The following KCNQ3 variants were observed in gnomAD, a reference collection of about 807,000 sequenced individuals.
The protein encoded by KCNQ3 is potassium voltage-gated channel subfamily Q member 3.
Under a neutral mutation model 92.5 loss-of-function variants are expected in KCNQ3, and 30 were observed. The observed-to-expected ratio is 0.32, with a 90% CI of 0.24 to 0.44. The LOEUF is 0.44. KCNQ3 is among the 20% of genes least tolerant of loss of function. The pLI is 1.00. For missense variants in KCNQ3, 913 were observed against 1,140.3 expected, an observed-to-expected ratio of 0.80 and a Z score of 2.87; for synonymous variants, 450 against 468.8, an observed-to-expected ratio of 0.96 and a Z score of 0.52.
In KCNQ3 at chr8:132,354,102, C is replaced by T. The variant is rs140190686; in HGVS notation, c.386+126045G>A. On this transcript the variant is annotated intron_variant, in intron 1 of 14. Coordinates refer to ENST00000388996, the MANE Select transcript of KCNQ3 (RefSeq NM_004519.4). ...GCGAACCTTCTGTGAAATGTAGGAGCTTGTCTGATTTCCCTCCTAGTGCCC... is the reference window on the plus strand; with the variant it reads ...GCGAACCTTCTGTGAAATGTAGGAGTTTGTCTGATTTCCCTCCTAGTGCCC... 2.6e-4 allele frequency among the ~76,000 whole-genome samples: 40 copies of T among 152,294 alleles called. 2 individuals carry two copies. In the East Asian group the frequency reaches 7.6e-3, roughly 29 times the overall value.
chr8:132,173,544 T>C (rs1272644464), intron 6 of KCNQ3, among the ~76,000 whole-genome samples: 1 of 152,180 alleles, frequency 6.6e-6, no homozygotes, highest in Non-Finnish European at 1.5e-5. Flanking sequence ...GTAGAAAATT[T>C]ACTAACCCAA....
chr8:132,358,734 G>A (rs1318919967), intron 1 of KCNQ3, among the ~76,000 whole-genome samples: 1 of 152,174 alleles, frequency 6.6e-6, no homozygotes, highest in East Asian at 1.9e-4. Context: ...GGGGTCCACA[G>A]ACATGCTTGT....
chr8:132,287,177 G>A (rs1411881797), intron 1 of KCNQ3, among the ~76,000 whole-genome samples: 3 of 152,310 alleles, frequency 2.0e-5, no homozygotes, highest in Non-Finnish European at 1.5e-5. Context: ...CCATGTTATT[G>A]AGATTTTATA....
chr8:132,330,373 G>A (rs563331733), intron 1 of KCNQ3, among the ~76,000 whole-genome samples: 6 of 152,324 alleles, frequency 3.9e-5, no homozygotes, highest in Non-Finnish European at 7.3e-5. Flanking sequence ...AATGAATAAT[G>A]CCTGCACCAG....
intron 1 of KCNQ3, among the ~76,000 whole-genome samples, chr8:132,193,765 A>T (rs895428237): frequency 6.6e-6 from 1 of 152,142 alleles, no homozygotes; most frequent in African/African-American, 2.4e-5. Flanking sequence ...CATTTTACAG[A>T]TGGGGAACTC....
At chr8:132,368,627 T>TGA (rs1336675372) in intron 1 of KCNQ3, among the ~76,000 whole-genome samples, 1 of 151,606 alleles carries the variant, frequency 6.6e-6, no homozygotes, top group East Asian at 1.9e-4. Flanking sequence ...CACTCCAGCC[T>TGA]GAGAGACTGA....
At chr8:132,376,773 C>G (rs1819620699) in intron 1 of KCNQ3, among the ~76,000 whole-genome samples, 1 of 152,182 alleles carries the variant, frequency 6.6e-6, no homozygotes, top group Non-Finnish European at 1.5e-5. Flanking sequence ...GAATTGTTCT[C>G]TTCATTTCAT....
chr8:132,154,058 T>C (rs1026064379), intron 9 of KCNQ3, among the ~76,000 whole-genome samples: 1 of 151,968 alleles, frequency 6.6e-6, no homozygotes, highest in Non-Finnish European at 1.5e-5. Flanking sequence ...TGTGTCTCTG[T>C]ATTATGGGAC....
intron 1 of KCNQ3, among the ~76,000 whole-genome samples, chr8:132,479,636 C>T (rs1021563793): frequency 2.7e-5 from 4 of 149,974 alleles, no homozygotes; most frequent in Non-Finnish European, 4.5e-5. Flanking sequence ...GCGACACACA[C>T]ACACACACAC....
chr8:132,374,046 G>A (rs1006461442), intron 1 of KCNQ3, among the ~76,000 whole-genome samples: 2 of 152,058 alleles, frequency 1.3e-5, no homozygotes, highest in Non-Finnish European at 1.5e-5. Flanking sequence ...AGGGGAGGAC[G>A]AAAGCCCCAG....
At chr8:132,393,384 T>G (rs185094069) in intron 1 of KCNQ3, among the ~76,000 whole-genome samples, 1 of 152,366 alleles carries the variant, frequency 6.6e-6, no homozygotes, top group Admixed American at 6.5e-5. Context: ...TGGCTTCACA[T>G]GACCTGATGT....
intron 1 of KCNQ3, among the ~76,000 whole-genome samples, chr8:132,346,696 G>A (rs1023787952): frequency 8.5e-5 from 13 of 152,170 alleles, no homozygotes; most frequent in Non-Finnish European, 1.3e-4. Context: ...GGAGTCCCAG[G>A]CTGGAAGGTA....
chr8:132,303,635 G>GTA (rs370143721), intron 1 of KCNQ3, among the ~76,000 whole-genome samples: 728 of 50,246 alleles, frequency 0.014, 73 homozygotes, highest in Non-Finnish European at 0.021. Flanking sequence ...TATATATGGT[G>GTA]TATATATATA....
chr8:132,124,694 T>C lies in KCNQ3; in HGVS notation c.*4568A>G, dbSNP rs1824607247. On this transcript the variant is annotated 3_prime_UTR_variant, in exon 15 of 15. Transcript: ENST00000388996. Reference sequence around the variant, plus strand: ...CAATAGCATTGGGTTGATTTGAATATAAACAACTTAGACTTTAAAAGTTCA... The same window carrying C: ...CAATAGCATTGGGTTGATTTGAATACAAACAACTTAGACTTTAAAAGTTCA... The C allele has an allele frequency of 6.6e-6, 1 of 152,228 alleles. No individual in the cohort carries two copies. Among genetic ancestry groups the C allele is most frequent in the South Asian group, 2.1e-4 (1 of 4,830 alleles). 9.4% of individuals were successfully genotyped at this position (152,228 alleles called of 1,614,324 possible).
chr8:132,394,070 C>T (rs1044183879), intron 1 of KCNQ3, among the ~76,000 whole-genome samples: 12 of 152,196 alleles, frequency 7.9e-5, no homozygotes, highest in Admixed American at 6.5e-4. Context: ...ATACCAACCA[C>T]GTGCCAGGCA....
chr8:132,328,231 G>A (rs1204879940), intron 1 of KCNQ3, among the ~76,000 whole-genome samples: 1 of 152,050 alleles, frequency 6.6e-6, no homozygotes, highest in Non-Finnish European at 1.5e-5. Context: ...CTCATTGTCT[G>A]CACACTCCCC....
In KCNQ3 at chr8:132,123,120, A is replaced by G. The variant is rs1441713780; in HGVS notation, c.*6142T>C. 1.3e-5 allele frequency: 2 copies of G among 152,196 alleles called. No homozygotes were observed. The highest frequency in any genetic ancestry group is 2.9e-5 in the Non-Finnish European group (2 of 68,040). The allele number at this position is 152,196 out of a possible 1,614,324, so 9.4% of individuals were successfully genotyped here. A position where few individuals can be genotyped will look rare whatever the true frequency, so the allele number is the denominator to read the frequency against. ...CAAAAGAAATCATGCCTGACTTCCT[A>G]AAATCAAAACCATAGGGATTTATCA... On this transcript the variant is annotated 3_prime_UTR_variant, in exon 15 of 15. Coordinates refer to ENST00000388996, the MANE Select transcript of KCNQ3 (RefSeq NM_004519.4).
chr8:132,405,458 G>A (rs1399621124), intron 1 of KCNQ3, among the ~76,000 whole-genome samples: 1 of 152,204 alleles, frequency 6.6e-6, no homozygotes, highest in Non-Finnish European at 1.5e-5. Flanking sequence ...TGGTTTCAGG[G>A]TGAGAGAAGT....
intron 1 of KCNQ3, among the ~76,000 whole-genome samples, chr8:132,264,400 A>G (rs545216424): frequency 2.5e-4 from 38 of 152,284 alleles, no homozygotes; most frequent in African/African-American, 9.1e-4. Context: ...CATCTCCCCA[A>G]ACCCTCCTGG....
Sources: allele counts gnomAD v4.1 joint callset (sites outside exome capture counted in the v4.1 genomes callset), GRCh38; gene constraint gnomAD v4.1.1; transcripts MANE v1.5; gene names NCBI Gene and HGNC (gene_info 2026-07-23, HGNC 2026-07-21).